Variants in RCOR1 observed in about 807,000 individuals in gnomAD.
RCOR1 encodes the protein REST corepressor.
Under a neutral mutation model 64.0 loss-of-function variants are expected in RCOR1, and 12 were observed. The observed-to-expected ratio is 0.19, with a 90% CI of 0.12 to 0.30. RCOR1 has a LOEUF of 0.30. Among genes scored for constraint, RCOR1 ranks in the 10% least tolerant of loss-of-function variants. The pLI, the probability that RCOR1 is intolerant of heterozygous loss-of-function variation, is 1.00. For missense variants in RCOR1, 502 were observed against 621.2 expected (o/e 0.81, Z 2.04); for synonymous variants, 279 against 227.2 (o/e 1.23, Z -2.05).
intron 2 of RCOR1, among the ~76,000 whole-genome samples, chr14:102,620,845 C>T (rs1415058454): frequency 6.6e-6 from 1 of 152,128 alleles, no homozygotes; most frequent in Non-Finnish European, 1.5e-5. Flanking sequence ...CTCCATTACT[C>T]TTTCTTTATC....
chr14:102,618,270 C>T (rs1309256911), intron 2 of RCOR1, among the ~76,000 whole-genome samples: 1 of 151,994 alleles, frequency 6.6e-6, no homozygotes, highest in East Asian at 1.9e-4. Context: ...AGCCACTGTG[C>T]CTGTCTGGGA....
chr14:102,703,186 G>C (rs1313448909), intron 4 of RCOR1, among the ~76,000 whole-genome samples: 3 of 152,184 alleles, frequency 2.0e-5, no homozygotes, highest in African/African-American at 7.2e-5. Flanking sequence ...GATGAGAAAA[G>C]ATTGAAGAGT....
At chr14:102,607,265 G>T (rs1041658484) in intron 2 of RCOR1, among the ~76,000 whole-genome samples, 1 of 152,112 alleles carries the variant, frequency 6.6e-6, no homozygotes, top group Non-Finnish European at 1.5e-5. Context: ...ATTTGATAAG[G>T]ACCAAGTGCA....
At chr14:102,691,072 C>G (rs1357756958) in intron 3 of RCOR1, among the ~76,000 whole-genome samples, 1 of 152,226 alleles carries the variant, frequency 6.6e-6, no homozygotes, top group Non-Finnish European at 1.5e-5. Flanking sequence ...ACTTGCACAA[C>G]TGCTTGTGTA....
rs1428284219 is a variant in RCOR1 at position 102,700,656 on chromosome 14, T to C, written c.446-622T>C. On this transcript the variant is annotated intron_variant, in intron 3 of 11. Coordinates refer to ENST00000262241, the MANE Select transcript of RCOR1 (RefSeq NM_015156.4). ...AGTGTTAGGATTACAGGCATGAGCC[T>C]TTGTTTTTCTCTTTTAAAGAAGACT... 2.6e-5 allele frequency among the ~76,000 whole-genome samples: 4 copies of C among 152,236 alleles called. No homozygotes were observed. The East Asian group carries it at 7.7e-4, about 29-fold the overall frequency.
In RCOR1 at chr14:102,621,594, C is replaced by T. The variant is rs142086690; in HGVS notation, c.361+28269C>T. On this transcript the variant is annotated intron_variant, in intron 2 of 11. Transcript: ENST00000262241. Reference sequence around the variant, plus strand: ...TCATTTTTTTCTTTTCGTCTTCTAGCGTACTGTAAATTTACATATATTTTA... The same window carrying T: ...TCATTTTTTTCTTTTCGTCTTCTAGTGTACTGTAAATTTACATATATTTTA... 1.8e-4 allele frequency among the ~76,000 whole-genome samples: 28 copies of T among 152,040 alleles called. No homozygotes were observed. The East Asian group carries it at 4.8e-3, about 26-fold the overall frequency.
intron 2 of RCOR1, among the ~76,000 whole-genome samples, chr14:102,595,256 C>T (rs185316887): frequency 2.6e-4 from 40 of 152,308 alleles, no homozygotes; most frequent in South Asian, 1.4e-3. Flanking sequence ...AGTCCCAACA[C>T]TTGGGGAGGC....
At chr14:102,701,193 A>G (rs1895750871) in intron 3 of RCOR1, 85 bp from the exon 4 acceptor site, 1 of 1,105,466 alleles carries the variant, frequency 9.0e-7, no homozygotes, top group Admixed American at 1.7e-5. Flanking sequence ...GCAGGCCTGA[A>G]ATATACACGT....
chr14:102,606,572 C>G (rs1021060871), intron 2 of RCOR1, among the ~76,000 whole-genome samples: 1 of 151,376 alleles, frequency 6.6e-6, no homozygotes, highest in African/African-American at 2.4e-5. Context: ...TCATGTATGT[C>G]TGATTTCTTT....
intron 2 of RCOR1, among the ~76,000 whole-genome samples, chr14:102,621,472 C>T (rs1015990554): frequency 6.7e-6 from 1 of 149,492 alleles, no homozygotes; most frequent in African/African-American, 2.5e-5. Context: ...AACTCCTGGG[C>T]TCAAATGATC....
intron 3 of RCOR1, among the ~76,000 whole-genome samples, chr14:102,698,945 G>A (rs1322676798): frequency 6.6e-6 from 1 of 151,588 alleles, no homozygotes; most frequent in Non-Finnish European, 1.5e-5. Context: ...TTGAGATGAA[G>A]TCTTGCTCTG....
In RCOR1 at chr14:102,726,619, AC is replaced by A; in HGVS notation, c.*115del. ...ACATCTCTCTGGACAAGCAGCTATT[AC>A]CAAAAAAGGCATATACTTCCAGTCC... On this transcript the variant is annotated 3_prime_UTR_variant, in exon 12 of 12. Transcript: ENST00000262241. 1 of 905,774 alleles carries A rather than the reference AC, an allele frequency of 1.1e-6. No homozygotes were observed. Among genetic ancestry groups the A allele is most frequent in the Non-Finnish European group, 1.7e-6 (1 of 578,232 alleles). The allele number at this position is 905,774 out of a possible 1,614,324, so 56.1% of individuals were successfully genotyped here.
intron 4 of RCOR1, among the ~76,000 whole-genome samples, chr14:102,706,789 TC>T (rs1383211998): frequency 1.3e-5 from 2 of 151,832 alleles, no homozygotes; most frequent in African/African-American, 2.4e-5. Flanking sequence ...GCCACTGCAC[TC>T]CAGCCTGGGT....
At chr14:102,694,320 A>G (rs996008237) in intron 3 of RCOR1, among the ~76,000 whole-genome samples, 14 of 152,096 alleles carry the variant, frequency 9.2e-5, no homozygotes, top group African/African-American at 3.4e-4. Flanking sequence ...GCAGTGGCAC[A>G]ATCTCAGCTC....
Position 102,612,395 on chromosome 14 carries a change from G to A in RCOR1, c.361+19070G>A, listed in dbSNP as rs139293863. On this transcript the variant is annotated intron_variant, in intron 2 of 11. Coordinates refer to ENST00000262241, the MANE Select transcript of RCOR1 (RefSeq NM_015156.4). The stretch of plus-strand genomic sequence containing the variant: ...TTTGTTTTGGATTTTTAGTAGAGAC[G>A]GGGTTTTGGGCCAGGCTGGTCTTGA... Among the ~76,000 whole-genome samples the A allele has an allele frequency of 1.3e-3, 193 of 151,410 alleles. 2 individuals carry two copies. The highest frequency in any genetic ancestry group is 0.01 in the Admixed American group (154 of 15,188).
chr14:102,613,151 G>T (rs1005282502), intron 2 of RCOR1, among the ~76,000 whole-genome samples: 11 of 151,974 alleles, frequency 7.2e-5, no homozygotes, highest in Admixed American at 7.2e-4. Flanking sequence ...GCCCACGCTG[G>T]AATGCAGTGG....
chr14:102,630,131 A>AT (rs1248623689), intron 2 of RCOR1: 2 of 307,104 alleles, frequency 6.5e-6, no homozygotes, highest in South Asian at 2.6e-4. Flanking sequence ...TGTTTGTGCC[A>AT]TGGGGCTGGA....
rs117729642 is a variant in RCOR1, at chr14:102,698,811, C to T, written c.446-2467C>T. On this transcript the variant is annotated intron_variant, in intron 3 of 11. Transcript: ENST00000262241. ...GGCCAGGTATACAGAACCACCTGTT[C>T]GAGCAGCCTCATCTGACATTTTTTA... 1.2e-4 allele frequency among the ~76,000 whole-genome samples: 19 copies of T among 152,256 alleles called. No homozygotes were observed. The East Asian group carries it at 3.5e-3, about 28-fold the overall frequency.
intron 2 of RCOR1, among the ~76,000 whole-genome samples, chr14:102,617,805 G>C (rs1483013933): frequency 3.3e-5 from 5 of 151,668 alleles, no homozygotes. Context: ...GGCCAGACTG[G>C]TCTCGAACTC....
Sources: gnomAD v4.1 joint callset for allele counts (sites outside exome capture counted in the v4.1 genomes callset) on GRCh38, gnomAD v4.1.1 for gene constraint, MANE v1.5 for transcripts, NCBI Gene and HGNC (gene_info 2026-07-23, HGNC 2026-07-21) for gene names.